RGS7: variants seen among roughly 807,000 people sequenced by gnomAD.
RGS7 encodes regulator of G-protein signaling 7.
A neutral mutation model predicts 81.1 loss-of-function variants in RGS7; 27 were observed. The observed-to-expected ratio is 0.33, with a 90% CI of 0.25 to 0.46. RGS7 has a LOEUF of 0.46. Among genes scored for constraint, RGS7 ranks in the 20% least tolerant of loss-of-function variants. The pLI, the probability that RGS7 is intolerant of heterozygous loss-of-function variation, is 1.00. For synonymous variants in RGS7, 208 were observed against 207.7 expected (o/e 1.00, Z -0.01); for missense variants, 396 against 607.4 (o/e 0.65, Z 3.66).
chr1:241,009,890 T>C (rs749947584), intron 3 of RGS7, among the ~76,000 whole-genome samples: 2 of 152,138 alleles, frequency 1.3e-5, no homozygotes, highest in Non-Finnish European at 2.9e-5. Flanking sequence ...TTAAGAAACA[T>C]GGATGAAGCT....
chr1:240,797,670 T>G (rs971630603), intron 18 of RGS7, among the ~76,000 whole-genome samples: 5 of 152,154 alleles, frequency 3.3e-5, no homozygotes, highest in African/African-American at 1.2e-4. Flanking sequence ...GATATTTTAA[T>G]GGCTGAAAAA....
intron 4 of RGS7, among the ~76,000 whole-genome samples, chr1:240,977,355 G>C (rs552460822): frequency 5.9e-4 from 90 of 152,006 alleles, no homozygotes; most frequent in Non-Finnish European, 1.1e-3. Flanking sequence ...TTTATTCTGT[G>C]TTTTGCATTT....
chr1:241,091,314 C>G (rs1022472831), intron 3 of RGS7, among the ~76,000 whole-genome samples: 12 of 150,054 alleles, frequency 8.0e-5, no homozygotes, highest in African/African-American at 2.9e-4. Flanking sequence ...TTTGGGAGGC[C>G]GAGGCAGGTG....
intron 18 of RGS7, among the ~76,000 whole-genome samples, chr1:240,799,287 T>TTG (rs71678488): frequency 0.048 from 6,789 of 142,264 alleles, 202 homozygotes; most frequent in African/African-American, 0.078. Context: ...GTGTCTATGT[T>TTG]TGTGTGTGTG....
At chr1:241,168,348 T>C (rs1338321861) in intron 2 of RGS7, among the ~76,000 whole-genome samples, 1 of 152,236 alleles carries the variant, frequency 6.6e-6, no homozygotes, top group Non-Finnish European at 1.5e-5. Context: ...ATTATCTATA[T>C]CTCATGGATA....
chr1:241,332,107 C>T (rs886282286), intron 2 of RGS7, among the ~76,000 whole-genome samples: 1 of 152,114 alleles, frequency 6.6e-6, no homozygotes, highest in Middle Eastern at 3.4e-3. Context: ...CAAAGAGCAC[C>T]GTGTAGTTTT....
chr1:240,860,677 G>C (rs1404178904), intron 9 of RGS7, among the ~76,000 whole-genome samples: 3 of 152,138 alleles, frequency 2.0e-5, no homozygotes, highest in Non-Finnish European at 2.9e-5. Context: ...CTACAGGCAA[G>C]ATAGAAGAAA....
intron 3 of RGS7, among the ~76,000 whole-genome samples, chr1:241,056,106 A>G (rs986219192): frequency 6.6e-6 from 1 of 152,130 alleles, no homozygotes; most frequent in Admixed American, 6.5e-5. Context: ...AAACCACACT[A>G]TACCTTGTTC....
intron 3 of RGS7, among the ~76,000 whole-genome samples, chr1:241,023,304 G>A (rs1238039324): frequency 3.3e-5 from 5 of 152,276 alleles, no homozygotes; most frequent in East Asian, 3.9e-4. Flanking sequence ...TAGAAAACTC[G>A]TAGATGTACA....
chr1:240,934,055 C>T (rs1441331904), intron 5 of RGS7, among the ~76,000 whole-genome samples: 4 of 152,274 alleles, frequency 2.6e-5, no homozygotes, highest in Non-Finnish European at 5.9e-5. Flanking sequence ...CCTTCGCCTC[C>T]TGGGTTCAAG....
In RGS7 at chr1:240,825,682, T is replaced by A. The variant is rs181111750; in HGVS notation, c.684+1416A>T. Among the ~76,000 whole-genome samples, 11 of 152,288 alleles carry A rather than the reference T, an allele frequency of 7.2e-5. No individual in the cohort carries two copies. In the East Asian group the frequency reaches 2.1e-3, roughly 29 times the overall value. On this transcript the variant is annotated intron_variant, in intron 10 of 18. Coordinates refer to ENST00000440928, the MANE Select transcript of RGS7 (RefSeq NM_001364886.1). ...CAATATTTCACCTTGCAATGCCTCA[T>A]GGGCTTTTCATCATTAAATGAGGGC...
chr1:241,080,833 T>C (rs188984133), intron 3 of RGS7, among the ~76,000 whole-genome samples: 4 of 152,350 alleles, frequency 2.6e-5, no homozygotes, highest in African/African-American at 9.6e-5. Context: ...GAAAGCTTCC[T>C]TTTCAAGGAA....
chr1:241,351,027 T>C (rs1432357212), intron 2 of RGS7, among the ~76,000 whole-genome samples: 1 of 152,194 alleles, frequency 6.6e-6, no homozygotes, highest in Non-Finnish European at 1.5e-5. Context: ...AATGCTTAGA[T>C]CAAGCCAATC....
At chr1:240,831,902 G>C (rs189410712) in intron 9 of RGS7, among the ~76,000 whole-genome samples, 10 of 152,292 alleles carry the variant, frequency 6.6e-5, no homozygotes, top group African/African-American at 2.4e-4. Flanking sequence ...CTCCCGAAGT[G>C]CTGGAATTAC....
intron 2 of RGS7, among the ~76,000 whole-genome samples, chr1:241,309,115 G>T (rs1271257242): frequency 6.6e-6 from 1 of 152,006 alleles, no homozygotes; most frequent in Non-Finnish European, 1.5e-5. Flanking sequence ...GTCCAGGCGC[G>T]GTGGCTCACA....
At position 241,089,063 on chromosome 1, in the gene RGS7, CTATATATA is replaced by C. The variant is rs1161090389; in HGVS notation, c.175+9595_175+9602del. 7.9e-3 allele frequency among the ~76,000 whole-genome samples: 186 copies of C among 23,670 alleles called. 5 individuals carry two copies. The highest frequency in any genetic ancestry group is 9.7e-3 in the Non-Finnish European group (131 of 13,440). 15.5% of individuals were successfully genotyped at this position (23,670 alleles called of 152,430 possible). ...TCTCTCTCTCTCTCTCTCTCTCTCT[CTATATATA>C]TATATATATATATATATATATATAT... On this transcript the variant is annotated intron_variant, in intron 3 of 18. Transcript: ENST00000440928.
intron 6 of RGS7, among the ~76,000 whole-genome samples, chr1:240,883,006 C>T (rs1489571719): frequency 6.6e-6 from 1 of 152,050 alleles, no homozygotes; most frequent in Non-Finnish European, 1.5e-5. Flanking sequence ...GTTTTTTGTC[C>T]TTGCAACAGT....
chr1:240,816,255 C>T (rs761995460), intron 11 of RGS7, 62 bp downstream of exon 11: 3 of 1,033,050 alleles, frequency 2.9e-6, no homozygotes, highest in South Asian at 2.5e-5. Context: ...AACATTTACC[C>T]TCTGGTTTTC....
At chr1:241,128,150 G>A (rs1372979826) in intron 2 of RGS7, among the ~76,000 whole-genome samples, 4 of 151,884 alleles carry the variant, frequency 2.6e-5, no homozygotes, top group African/African-American at 9.7e-5. Context: ...TGTGGCGGGC[G>A]CCTTTAGTCC....
Sources: allele counts gnomAD v4.1 joint callset (sites outside exome capture counted in the v4.1 genomes callset), GRCh38; gene constraint gnomAD v4.1.1; transcripts MANE v1.5; gene names NCBI Gene and HGNC (gene_info 2026-07-23, HGNC 2026-07-21).